PDE7B: variants seen among roughly 807,000 people sequenced by gnomAD.
The protein encoded by PDE7B is 3',5'-cyclic-AMP phosphodiesterase 7B.
A neutral mutation model predicts 56.2 loss-of-function variants in PDE7B; 29 were observed. That is an observed-to-expected ratio of 0.52 (90% CI 0.38 to 0.70). The LOEUF is 0.70. Among genes scored for constraint, PDE7B ranks in the 30% least tolerant of loss-of-function variants. PDE7B has a pLI of 0.00. For missense variants in PDE7B, 490 were observed against 565.0 expected (o/e 0.87, Z 1.35); for synonymous variants, 197 against 196.9 (o/e 1.00, Z 0.00).
At chr6:136,141,645 C>T (rs949218343) in intron 3 of PDE7B, among the ~76,000 whole-genome samples, 3 of 152,114 alleles carry the variant, frequency 2.0e-5, no homozygotes, top group African/African-American at 4.8e-5. Context: ...AATTTCAGAT[C>T]CTGTTATTGG....
At chr6:136,189,691 T>TA (rs1337279911) in intron 12 of PDE7B, among the ~76,000 whole-genome samples, 1 of 152,184 alleles carries the variant, frequency 6.6e-6, no homozygotes, top group Non-Finnish European at 1.5e-5. Context: ...ACTCTGAGGC[T>TA]ACCATTCCTC....
chr6:136,087,372 T>C (rs1777310509), intron 2 of PDE7B, among the ~76,000 whole-genome samples: 1 of 151,936 alleles, frequency 6.6e-6, no homozygotes, highest in South Asian at 2.1e-4. Flanking sequence ...AAGAAAAATA[T>C]AAGAATAAAA....
At chr6:136,184,125 T>C (rs1779110469) in intron 11 of PDE7B, among the ~76,000 whole-genome samples, 1 of 152,338 alleles carries the variant, frequency 6.6e-6, no homozygotes, top group South Asian at 2.1e-4. Context: ...CAAAGCCCCA[T>C]TGGAGATATT....
intron 2 of PDE7B, among the ~76,000 whole-genome samples, chr6:136,105,228 A>G (rs1777628293): frequency 6.6e-6 from 1 of 152,178 alleles, no homozygotes; most frequent in African/African-American, 2.4e-5. Context: ...TTCTCCTGGT[A>G]TTCTTTTTCC....
chr6:136,093,866 C>T (rs1181292702), intron 2 of PDE7B, among the ~76,000 whole-genome samples: 2 of 152,196 alleles, frequency 1.3e-5, no homozygotes, highest in East Asian at 1.9e-4. Context: ...CTTGAAAAAC[C>T]TTAGATCATG....
chr6:136,144,643 C>T (rs1778385106), intron 3 of PDE7B, among the ~76,000 whole-genome samples: 1 of 152,248 alleles, frequency 6.6e-6, no homozygotes, highest in South Asian at 2.1e-4. Context: ...AAGGGTCATG[C>T]ATTGCATTTA....
intron 11 of PDE7B, among the ~76,000 whole-genome samples, chr6:136,184,283 A>G (rs1296087134): frequency 6.6e-6 from 1 of 152,152 alleles, no homozygotes; most frequent in Non-Finnish European, 1.5e-5. Flanking sequence ...AAACGTGTTG[A>G]ATAAGTGAAT....
At chr6:135,882,827 G>A (rs966151488) in intron 1 of PDE7B, among the ~76,000 whole-genome samples, 11 of 152,110 alleles carry the variant, frequency 7.2e-5, no homozygotes, top group Non-Finnish European at 1.6e-4. Flanking sequence ...AATGACCAGT[G>A]GAGACCTGAA....
At chr6:136,003,663 A>G (rs1444604907) in intron 2 of PDE7B, among the ~76,000 whole-genome samples, 3 of 152,228 alleles carry the variant, frequency 2.0e-5, no homozygotes, top group Non-Finnish European at 4.4e-5. Context: ...AAGAGGTTGA[A>G]TCTCTGAATA....
intron 8 of PDE7B, among the ~76,000 whole-genome samples, chr6:136,172,240 T>C (rs1214232921): frequency 6.6e-6 from 1 of 152,188 alleles, no homozygotes; most frequent in Admixed American, 6.5e-5. Flanking sequence ...TTGAACTAGT[T>C]TACAGTCCCA....
Position 135,954,157 on chromosome 6 carries a change from C to T in PDE7B, c.82+6633C>T, listed in dbSNP as rs572502213. On this transcript the variant is annotated intron_variant, in intron 2 of 12. Coordinates refer to ENST00000308191, the MANE Select transcript of PDE7B (RefSeq NM_018945.4). Reference sequence around the variant, plus strand: ...AAGGACATATTTTCTATTTGTCCATCGCTGTTCCCCAGCCTTGCCCTGCAA... The same window carrying T: ...AAGGACATATTTTCTATTTGTCCATTGCTGTTCCCCAGCCTTGCCCTGCAA... Among the ~76,000 whole-genome samples the T allele has an allele frequency of 9.8e-5, 15 of 152,290 alleles. No homozygotes were observed. The South Asian group carries it at 2.1e-3, about 21-fold the overall frequency.
chr6:136,014,493 T>A (rs1228908379), intron 2 of PDE7B, among the ~76,000 whole-genome samples: 1 of 152,200 alleles, frequency 6.6e-6, no homozygotes, highest in Non-Finnish European at 1.5e-5. Flanking sequence ...ACATATCTAG[T>A]GTGTGAACTT....
chr6:136,052,621 C>CCG (rs1190459093), intron 2 of PDE7B, among the ~76,000 whole-genome samples: 2 of 142,672 alleles, frequency 1.4e-5, no homozygotes, highest in African/African-American at 5.2e-5. Context: ...GGTACAGCCC[C>CCG]CCCCCACCCA....
chr6:136,041,245 C>A (rs1190194108), intron 2 of PDE7B, among the ~76,000 whole-genome samples: 1 of 152,034 alleles, frequency 6.6e-6, no homozygotes, highest in African/African-American at 2.4e-5. Context: ...TTTTACGCAC[C>A]CTTCTTCAAC....
At chr6:135,960,672 C>A (rs982483598) in intron 2 of PDE7B, among the ~76,000 whole-genome samples, 3 of 152,166 alleles carry the variant, frequency 2.0e-5, no homozygotes, top group Non-Finnish European at 4.4e-5. Flanking sequence ...TGAATTTTTA[C>A]AAAGTTAACG....
chr6:136,087,223 A>C (rs1262607608), intron 2 of PDE7B, among the ~76,000 whole-genome samples: 1 of 152,242 alleles, frequency 6.6e-6, no homozygotes, highest in Non-Finnish European at 1.5e-5. Context: ...AAACATGAAC[A>C]CATCCAAGTG....
chr6:136,181,072 C>T (rs1368652746), intron 10 of PDE7B, among the ~76,000 whole-genome samples, 155 bp from the exon 11 acceptor site: 8 of 152,200 alleles, frequency 5.3e-5, no homozygotes, highest in African/African-American at 1.4e-4. Flanking sequence ...TGAATAAGTG[C>T]AGTTTCCTGA....
chr6:136,047,223 A>G (rs1776526598), intron 2 of PDE7B: 1 of 152,148 alleles, frequency 6.6e-6, no homozygotes. Context: ...AAACACATAC[A>G]TTTCCACAAC....
intron 2 of PDE7B, among the ~76,000 whole-genome samples, chr6:136,088,266 A>G (rs998406038): frequency 6.6e-6 from 1 of 152,184 alleles, no homozygotes; most frequent in Admixed American, 6.5e-5. Context: ...ATATTACTAT[A>G]CCGGGGGCGG....
Sources: allele counts gnomAD v4.1 joint callset (sites outside exome capture counted in the v4.1 genomes callset), GRCh38; gene constraint gnomAD v4.1.1; transcripts MANE v1.5; gene names NCBI Gene and HGNC (gene_info 2026-07-23, HGNC 2026-07-21).